The following HDAC9 variants were observed in gnomAD, a reference collection of about 807,000 sequenced individuals.
HDAC9 encodes the protein histone deacetylase 9.
HDAC9 carries 41 observed loss-of-function variants against 139.4 expected under a neutral mutation model. The ratio of observed to expected loss-of-function variants is 0.29; its 90% confidence interval spans 0.23 to 0.38. The LOEUF is 0.38. HDAC9 is among the 10% of genes least tolerant of loss of function. HDAC9 has a pLI of 1.00. For missense variants in HDAC9, 1,147 were observed against 1,297.0 expected (o/e 0.88, Z 1.78); for synonymous variants, 517 against 476.2 (o/e 1.09, Z -1.12).
At chr7:18,942,367 G>C (rs977991754) in intron 23 of HDAC9, among the ~76,000 whole-genome samples, 2 of 151,960 alleles carry the variant, frequency 1.3e-5, no homozygotes, top group Admixed American at 6.6e-5. Flanking sequence ...GTTTGGATTT[G>C]TTCGTTTTGT....
At chr7:18,724,324 T>C (rs1268281795) in intron 12 of HDAC9, among the ~76,000 whole-genome samples, 1 of 152,178 alleles carries the variant, frequency 6.6e-6, no homozygotes, top group Non-Finnish European at 1.5e-5. Context: ...TATGATAGCT[T>C]ACTTTTCCTA....
chr7:18,989,320 T>C (rs888639181), intron 25 of HDAC9, among the ~76,000 whole-genome samples: 2 of 151,874 alleles, frequency 1.3e-5, no homozygotes, highest in African/African-American at 2.4e-5. Flanking sequence ...CCTTCACTTA[T>C]GAAGCTTAGT....
At chr7:18,403,358 T>C (rs1787716931) in intron 1 of HDAC9, among the ~76,000 whole-genome samples, 1 of 152,206 alleles carries the variant, frequency 6.6e-6, no homozygotes, top group South Asian at 2.1e-4. Flanking sequence ...TACTAATTTA[T>C]TGGGGGAAGG....
intron 12 of HDAC9, among the ~76,000 whole-genome samples, chr7:18,677,493 ATTAC>A (rs1384295829): frequency 3.3e-5 from 5 of 151,916 alleles, no homozygotes; most frequent in Non-Finnish European, 5.9e-5. Context: ...CGTTTGAGTA[ATTAC>A]TTAGGAGTGA....
intron 2 of HDAC9, among the ~76,000 whole-genome samples, chr7:18,238,887 C>T (rs933638304): frequency 6.6e-6 from 1 of 152,180 alleles, no homozygotes; most frequent in Non-Finnish European, 1.5e-5. Context: ...GTGGAACAGA[C>T]TCCAGAGGCA....
intron 2 of HDAC9, among the ~76,000 whole-genome samples, chr7:18,168,531 G>C (rs773485728): frequency 1.3e-5 from 2 of 152,020 alleles, no homozygotes; most frequent in Non-Finnish European, 2.9e-5. Flanking sequence ...GTATAGATTG[G>C]AGTTTACTCT....
rs1252456959 is a variant in HDAC9 at position 18,996,967 on chromosome 7, C to G, written c.*905C>G. 1 of 152,156 alleles carries G rather than the reference C, an allele frequency of 6.6e-6. No individual in the cohort carries two copies. The highest frequency in any genetic ancestry group is 1.5e-5 in the Non-Finnish European group (1 of 68,024). 9.4% of individuals were successfully genotyped at this position (152,156 alleles called of 1,614,324 possible). ...TGGTCTTAATTTGTTGCATATCTAT[C>G]AAGGACTTATTCACTCACCTTTCCT... On this transcript the variant is annotated 3_prime_UTR_variant, in exon 26 of 26. Coordinates refer to ENST00000686413, the MANE Select transcript of HDAC9 (RefSeq NM_178425.4).
At chr7:18,276,114 GT>G (rs1309536652) in intron 2 of HDAC9, among the ~76,000 whole-genome samples, 1 of 152,112 alleles carries the variant, frequency 6.6e-6, no homozygotes. Context: ...AGATGCCATG[GT>G]TCAGTGGTAG....
intron 17 of HDAC9, among the ~76,000 whole-genome samples, chr7:18,797,844 T>A (rs1585054481): frequency 6.6e-6 from 1 of 151,490 alleles, no homozygotes; most frequent in African/African-American, 2.4e-5. Flanking sequence ...AAAAAAAAAA[T>A]TCCTTTCGTC....
intron 2 of HDAC9, among the ~76,000 whole-genome samples, chr7:18,214,528 G>T (rs1454934656): frequency 3.9e-5 from 6 of 151,998 alleles, no homozygotes; most frequent in Admixed American, 2.0e-4. Flanking sequence ...AATTCATACT[G>T]CTGGGGAAAA....
At chr7:18,316,572 G>A (rs1799655652) in intron 1 of HDAC9, among the ~76,000 whole-genome samples, 1 of 145,216 alleles carries the variant, frequency 6.9e-6, no homozygotes. Flanking sequence ...CAAGGCACAT[G>A]GATTGCTTGA....
intron 21 of HDAC9, chr7:18,851,423 C>T (rs563305938): frequency 1.3e-5 from 2 of 152,484 alleles, no homozygotes; most frequent in East Asian, 1.9e-4. Flanking sequence ...TATGAAGTGC[C>T]TTGCTTCTCC....
chr7:18,270,821 C>T (rs570206189), intron 2 of HDAC9, among the ~76,000 whole-genome samples: 2 of 152,064 alleles, frequency 1.3e-5, no homozygotes, highest in South Asian at 2.1e-4. Context: ...GAAAACCAGC[C>T]AAGTCTGAGT....
At chr7:18,170,702 G>A (rs945781500) in intron 2 of HDAC9, among the ~76,000 whole-genome samples, 4 of 152,138 alleles carry the variant, frequency 2.6e-5, no homozygotes, top group Admixed American at 2.6e-4. Context: ...ATTAAACAGG[G>A]TATCCTTTCC....
At chr7:18,127,789 C>G (rs1388538202) in intron 1 of HDAC9, among the ~76,000 whole-genome samples, 2 of 151,994 alleles carry the variant, frequency 1.3e-5, no homozygotes, top group Non-Finnish European at 2.9e-5. Context: ...CCCACAGAAC[C>G]TGTTGGTGAC....
chr7:18,397,033 A>G (rs1198653265), intron 1 of HDAC9, among the ~76,000 whole-genome samples: 7 of 152,066 alleles, frequency 4.6e-5, no homozygotes, highest in African/African-American at 1.4e-4. Context: ...GTTGGAAAAA[A>G]AAAGATCATC....
intron 24 of HDAC9, among the ~76,000 whole-genome samples, chr7:18,968,519 G>C (rs965618303): frequency 6.6e-6 from 1 of 152,006 alleles, no homozygotes; most frequent in Non-Finnish European, 1.5e-5. Flanking sequence ...TCAGACATTG[G>C]CCTGCAGGCA....
At chr7:18,176,706 CTG>C (rs1293950015) in intron 2 of HDAC9, among the ~76,000 whole-genome samples, 22 of 152,196 alleles carry the variant, frequency 1.4e-4, no homozygotes, top group East Asian at 5.8e-4. Flanking sequence ...TACAGGTAAA[CTG>C]TGTGTCACAG....
chr7:18,435,332 C>A (rs80029239), intron 1 of HDAC9, among the ~76,000 whole-genome samples: 7,287 of 151,928 alleles, frequency 0.048, 289 homozygotes, highest in African/African-American at 0.11. Flanking sequence ...GTGATGAAAT[C>A]ATCTGTACAC....
Sources: allele counts gnomAD v4.1 joint callset (sites outside exome capture counted in the v4.1 genomes callset), GRCh38; gene constraint gnomAD v4.1.1; transcripts MANE v1.5; gene names NCBI Gene and HGNC (gene_info 2026-07-23, HGNC 2026-07-21).